AUTS2: variants seen among roughly 807,000 people sequenced by gnomAD.
AUTS2 encodes the protein activator of transcription and developmental regulator AUTS2, also known as autism susceptibility gene 2 protein.
AUTS2 carries 17 observed loss-of-function variants against 112.4 expected under a neutral mutation model. That is an observed-to-expected ratio of 0.15 (90% CI 0.10 to 0.23). The LOEUF (loss-of-function observed/expected upper bound fraction) is 0.23. AUTS2 is among the 10% of genes least tolerant of loss of function. The probability of loss-of-function intolerance (pLI) is 1.00; values close to 1 mark genes in which losing one functional copy is unlikely to be tolerated. For missense variants in AUTS2, 1,510 were observed against 1,701.6 expected (o/e 0.89, Z 1.98); for synonymous variants, 751 against 702.7 (o/e 1.07, Z -1.09).
intron 1 of AUTS2, among the ~76,000 whole-genome samples, chr7:69,692,053 CG>C (rs1797371620): frequency 6.6e-6 from 1 of 152,122 alleles, no homozygotes; most frequent in Non-Finnish European, 1.5e-5. Context: ...AGAGCTTCAG[CG>C]GGGCCAGTGC....
intron 5 of AUTS2, among the ~76,000 whole-genome samples, chr7:70,654,178 G>T (rs1381808519): frequency 6.6e-6 from 1 of 152,148 alleles, no homozygotes; most frequent in African/African-American, 2.4e-5. Flanking sequence ...TACGAGATGT[G>T]GGGGCCTTGT....
chr7:70,442,333 TG>T (rs1796153199), intron 5 of AUTS2, among the ~76,000 whole-genome samples: 1 of 152,154 alleles, frequency 6.6e-6, no homozygotes, highest in Admixed American at 6.5e-5. Context: ...ACAGTCGCAA[TG>T]TCTACTTCCT....
At chr7:70,760,436 G>A (rs187212627) in intron 6 of AUTS2, among the ~76,000 whole-genome samples, 14 of 152,360 alleles carry the variant, frequency 9.2e-5, no homozygotes, top group African/African-American at 3.1e-4. Context: ...CCTCTGTTTT[G>A]TGCTGTTAGG....
At chr7:70,126,636 A>G (rs1295197033) in intron 3 of AUTS2, among the ~76,000 whole-genome samples, 1 of 152,200 alleles carries the variant, frequency 6.6e-6, no homozygotes, top group African/African-American at 2.4e-5. Flanking sequence ...ATTGCTTCCA[A>G]CTTAAACAGA....
intron 1 of AUTS2, among the ~76,000 whole-genome samples, chr7:69,853,161 G>A (rs1792565276): frequency 6.6e-6 from 1 of 152,120 alleles, no homozygotes; most frequent in Non-Finnish European, 1.5e-5. Flanking sequence ...CCTGTTGATG[G>A]CATTGTTGAA....
At chr7:70,712,497 C>G (rs918943356) in intron 6 of AUTS2, among the ~76,000 whole-genome samples, 1 of 151,996 alleles carries the variant, frequency 6.6e-6, no homozygotes, top group African/African-American at 2.4e-5. Flanking sequence ...GGGTCTAGAC[C>G]GGTGGTTCTC....
intron 4 of AUTS2, among the ~76,000 whole-genome samples, chr7:70,141,697 C>T (rs944043806): frequency 2.6e-5 from 4 of 152,110 alleles, no homozygotes; most frequent in African/African-American, 9.7e-5. Context: ...TTTCAAGGGC[C>T]TTAGACAGAA....
intron 5 of AUTS2, among the ~76,000 whole-genome samples, chr7:70,571,189 T>C (rs1801922932): frequency 6.6e-6 from 1 of 152,202 alleles, no homozygotes; most frequent in Middle Eastern, 3.2e-3. Flanking sequence ...AGAGGTTAGG[T>C]ATAACCACAA....
chr7:70,765,518 C>T (rs977596058), intron 8 of AUTS2, among the ~76,000 whole-genome samples: 5 of 152,134 alleles, frequency 3.3e-5, no homozygotes, highest in Non-Finnish European at 7.3e-5. Context: ...ACACAGGGTC[C>T]TTGTCTCCTC....
intron 4 of AUTS2, among the ~76,000 whole-genome samples, chr7:70,313,233 T>C (rs1165976774): frequency 1.3e-5 from 2 of 152,170 alleles, no homozygotes. Context: ...GGACCTGCAG[T>C]TCCCCATTTA....
intron 5 of AUTS2, among the ~76,000 whole-genome samples, chr7:70,444,642 T>C (rs1796251313): frequency 6.6e-6 from 1 of 152,154 alleles, no homozygotes; most frequent in South Asian, 2.1e-4. Context: ...TTAGAGATTT[T>C]CCCTATCAGT....
At chr7:70,521,227 C>G (rs2129494958) in intron 5 of AUTS2, among the ~76,000 whole-genome samples, 1 of 152,328 alleles carries the variant, frequency 6.6e-6, no homozygotes, top group East Asian at 1.9e-4. Flanking sequence ...ATCCCATCAT[C>G]AGCTCTCCTG....
intron 4 of AUTS2, among the ~76,000 whole-genome samples, chr7:70,284,693 G>A (rs1361082938): frequency 6.6e-6 from 1 of 152,162 alleles, no homozygotes; most frequent in Admixed American, 6.5e-5. Flanking sequence ...AGAAGCCTAT[G>A]AGGTTTTGAG....
intron 1 of AUTS2, among the ~76,000 whole-genome samples, chr7:69,801,615 T>A (rs537990946): frequency 4.7e-4 from 72 of 152,206 alleles, no homozygotes; most frequent in Non-Finnish European, 9.4e-4. Context: ...TACTACATTA[T>A]GTACTATCTT....
At chr7:69,786,555 A>G (rs1353167930) in intron 1 of AUTS2, among the ~76,000 whole-genome samples, 1 of 152,168 alleles carries the variant, frequency 6.6e-6, no homozygotes, top group South Asian at 2.1e-4. Context: ...CTTTCACTCT[A>G]AATCTTGCTG....
chr7:69,627,297 G>A (rs1260524508), intron 1 of AUTS2, among the ~76,000 whole-genome samples: 1 of 152,106 alleles, frequency 6.6e-6, no homozygotes, highest in Non-Finnish European at 1.5e-5. Context: ...TTGAAAACCA[G>A]CCTGGCCAAC....
intron 2 of AUTS2, among the ~76,000 whole-genome samples, chr7:69,941,172 T>C (rs1297627180): frequency 6.6e-6 from 1 of 152,144 alleles, no homozygotes; most frequent in African/African-American, 2.4e-5. Flanking sequence ...TGTGGTACCA[T>C]TGATAAGCCC....
chr7:70,403,768 T>C (rs897717789), intron 4 of AUTS2, among the ~76,000 whole-genome samples: 34 of 152,236 alleles, frequency 2.2e-4, no homozygotes, highest in African/African-American at 6.0e-4. Flanking sequence ...CAAAATTCAT[T>C]ACAGGTTTGT....
At chr7:69,717,316 T>C (rs1169490840) in intron 1 of AUTS2, among the ~76,000 whole-genome samples, 1 of 152,240 alleles carries the variant, frequency 6.6e-6, no homozygotes, top group Non-Finnish European at 1.5e-5. Flanking sequence ...TCAGAGGTTA[T>C]GGAGCAGCTG....
Sources: gnomAD v4.1 joint callset for allele counts (sites outside exome capture counted in the v4.1 genomes callset) on GRCh38, gnomAD v4.1.1 for gene constraint, MANE v1.5 for transcripts, NCBI Gene and HGNC (gene_info 2026-07-23, HGNC 2026-07-21) for gene names.